NRG3: variants seen among roughly 807,000 people sequenced by gnomAD.
The protein encoded by NRG3 is pro-neuregulin-3, membrane-bound isoform.
A neutral mutation model predicts 66.9 loss-of-function variants in NRG3; 31 were observed. The ratio of observed to expected loss-of-function variants is 0.46; its 90% CI spans 0.35 to 0.63. NRG3 has a LOEUF of 0.63. Among genes scored for constraint, NRG3 ranks in the 20% least tolerant of loss-of-function variants. NRG3 has a pLI of 0.00. For missense variants in NRG3, 910 were observed against 878.9 expected, an observed-to-expected ratio of 1.04 and a Z score of -0.45; for synonymous variants, 393 against 359.4, an observed-to-expected ratio of 1.09 and a Z score of -1.06.
At chr10:82,440,581 T>C (rs919257194) in intron 2 of NRG3, among the ~76,000 whole-genome samples, 1 of 152,084 alleles carries the variant, frequency 6.6e-6, no homozygotes, top group African/African-American at 2.4e-5. Context: ...TAATATCTTA[T>C]CTGTAACATT....
At chr10:82,202,457 G>GAGAATA (rs1249411528) in intron 1 of NRG3, among the ~76,000 whole-genome samples, 1 of 152,222 alleles carries the variant, frequency 6.6e-6, no homozygotes, top group African/African-American at 2.4e-5. Flanking sequence ...GCGTGCGTAA[G>GAGAATA]AGTCGTTGCC....
intron 3 of NRG3, among the ~76,000 whole-genome samples, chr10:82,798,351 A>G (rs930049815): frequency 6.6e-6 from 1 of 152,228 alleles, no homozygotes; most frequent in Non-Finnish European, 1.5e-5. Context: ...AAGAAACTAT[A>G]AACTCTGGAC....
intron 1 of NRG3, among the ~76,000 whole-genome samples, chr10:81,918,443 AG>A (rs1490455816): frequency 1.3e-5 from 2 of 152,210 alleles, no homozygotes; most frequent in Non-Finnish European, 2.9e-5. Context: ...TTCTCAGATC[AG>A]GTACTCCATC....
At chr10:82,615,022 A>C (rs1169750116) in intron 2 of NRG3, among the ~76,000 whole-genome samples, 1 of 152,102 alleles carries the variant, frequency 6.6e-6, no homozygotes, top group Non-Finnish European at 1.5e-5. Flanking sequence ...GAGTTCTATT[A>C]CTATTCTATA....
intron 3 of NRG3, among the ~76,000 whole-genome samples, chr10:82,778,687 G>A (rs569207594): frequency 2.0e-5 from 3 of 152,252 alleles, no homozygotes; most frequent in African/African-American, 7.2e-5. Context: ...CTGCTTTCTG[G>A]CTCAAGTATG....
At chr10:82,894,933 C>T (rs555418002) in intron 4 of NRG3, among the ~76,000 whole-genome samples, 13 of 152,240 alleles carry the variant, frequency 8.5e-5, no homozygotes, top group Admixed American at 7.9e-4. Context: ...GTGTGATGTT[C>T]CCCTCTCTGT....
At chr10:82,850,619 A>C (rs899081159) in intron 3 of NRG3, among the ~76,000 whole-genome samples, 3 of 152,154 alleles carry the variant, frequency 2.0e-5, no homozygotes, top group African/African-American at 7.2e-5. Flanking sequence ...AAAGCTCAAA[A>C]ATTGGTTGAA....
chr10:82,507,464 A>G (rs1434847371), intron 2 of NRG3, among the ~76,000 whole-genome samples: 2 of 152,230 alleles, frequency 1.3e-5, no homozygotes, highest in East Asian at 3.8e-4. Context: ...CTTTGCCTCC[A>G]AGCCTGAAGG....
intron 2 of NRG3, among the ~76,000 whole-genome samples, chr10:82,542,717 A>G (rs2043625070): frequency 6.6e-6 from 1 of 152,230 alleles, no homozygotes; most frequent in Non-Finnish European, 1.5e-5. Context: ...TGCCAAAGGC[A>G]TAAAAGCTGA....
chr10:82,228,365 T>A (rs2076272469), intron 1 of NRG3, among the ~76,000 whole-genome samples: 1 of 152,154 alleles, frequency 6.6e-6, no homozygotes, highest in African/African-American at 2.4e-5. Context: ...GGATACAGCA[T>A]TATGATAAAT....
chr10:82,212,051 A>G (rs773843309), intron 1 of NRG3, among the ~76,000 whole-genome samples: 3 of 152,160 alleles, frequency 2.0e-5, no homozygotes, highest in African/African-American at 7.2e-5. Context: ...CCCTACATTT[A>G]CGAGTTCTTT....
intron 2 of NRG3, among the ~76,000 whole-genome samples, chr10:82,581,732 T>C (rs2046367066): frequency 6.6e-6 from 1 of 152,062 alleles, no homozygotes; most frequent in Admixed American, 6.6e-5. Flanking sequence ...ATGTTTAAGA[T>C]GGCAAATTTT....
chr10:82,733,669 G>A lies in NRG3; in HGVS notation c.954-4908G>A, dbSNP rs114212454. On this transcript the variant is annotated intron_variant, in intron 2 of 8. Coordinates refer to ENST00000372141, the MANE Select transcript of NRG3 (RefSeq NM_001010848.4). ...GGAAATCCACAGATGTGGAGCAAGA[G>A]AGTAGCACAGTTCTCTCAATAGAAC... 4.2e-3 allele frequency among the ~76,000 whole-genome samples: 641 copies of A among 152,310 alleles called. 8 individuals carry two copies. Among genetic ancestry groups the A allele is most frequent in the African/African-American group, 0.014 (587 of 41,568 alleles).
intron 1 of NRG3, among the ~76,000 whole-genome samples, chr10:81,970,192 T>G (rs1219599884): frequency 6.6e-6 from 1 of 152,174 alleles, no homozygotes; most frequent in Non-Finnish European, 1.5e-5. Context: ...AGAGGAAAAG[T>G]AAAATAGGCA....
At chr10:82,183,386 T>C (rs1429473939) in intron 1 of NRG3, among the ~76,000 whole-genome samples, 3 of 151,992 alleles carry the variant, frequency 2.0e-5, no homozygotes, top group African/African-American at 7.2e-5. Context: ...TGACCTTTCT[T>C]TGGGTTCGTT....
At chr10:82,511,305 G>A (rs906879769) in intron 2 of NRG3, among the ~76,000 whole-genome samples, 5 of 152,190 alleles carry the variant, frequency 3.3e-5, no homozygotes, top group African/African-American at 1.2e-4. Flanking sequence ...CTGATGTGCT[G>A]TGTCCCCAAT....
At chr10:82,530,402 CTA>C (rs1847134834) in intron 2 of NRG3, among the ~76,000 whole-genome samples, 1 of 151,918 alleles carries the variant, frequency 6.6e-6, no homozygotes, top group Admixed American at 6.6e-5. Context: ...TGAAGAAAAA[CTA>C]ATGCTTATTA....
chr10:82,381,017 G>A (rs144705075), intron 2 of NRG3, among the ~76,000 whole-genome samples: 1 of 152,074 alleles, frequency 6.6e-6, no homozygotes, highest in African/African-American at 2.4e-5. Flanking sequence ...AATGCAAAAA[G>A]CAAGATTTGT....
chr10:81,960,202 T>A (rs1564691536), intron 1 of NRG3, among the ~76,000 whole-genome samples: 1 of 152,162 alleles, frequency 6.6e-6, no homozygotes, highest in Non-Finnish European at 1.5e-5. Context: ...ATGAATATAG[T>A]TTTATTGTGT....
Sources: allele counts gnomAD v4.1 joint callset (sites outside exome capture counted in the v4.1 genomes callset), GRCh38; gene constraint gnomAD v4.1.1; transcripts MANE v1.5; gene names NCBI Gene and HGNC (gene_info 2026-07-23, HGNC 2026-07-21).